CPT1B: variants seen among roughly 807,000 people sequenced by gnomAD.
The protein encoded by CPT1B is carnitine palmitoyltransferase 1B.
CPT1B carries 57 observed loss-of-function variants against 92.7 expected under a neutral mutation model. The ratio of observed to expected loss-of-function variants is 0.62; its 90% confidence interval spans 0.50 to 0.77. The LOEUF is 0.77. Ranked by LOEUF, CPT1B falls within the 30% of genes least tolerant of loss-of-function variation. The pLI, the probability that CPT1B is intolerant of heterozygous loss-of-function variation, is 0.00. For synonymous variants in CPT1B, 398 were observed against 383.5 expected, an observed-to-expected ratio of 1.04 and a Z score of -0.44; for missense variants, 983 against 1,017.4, an observed-to-expected ratio of 0.97 and a Z score of 0.46.
rs574907854 is a variant in CPT1B, at chr22:50,576,626, G to A, written c.471C>T (p.Arg157=). ...NLTRIWAMCI[R]LLSSRHPMLY... is the part of the protein sequence containing the mutation. ...GCATAGGGTGCCGGCTGGATAGAAGGCGGATACACATCTGGGGGTACAGAG... is the reference window on the plus strand; with the variant it reads ...GCATAGGGTGCCGGCTGGATAGAAGACGGATACACATCTGGGGGTACAGAG... The change falls in exon 5 of 20, where the codon CGC becomes CGT. Residue 157 remains arginine, a synonymous_variant. Transcript: ENST00000312108. The A allele has an allele frequency of 1.3e-5, 21 of 1,610,906 alleles. No homozygotes were observed. The South Asian group carries it at 2.2e-4, about 17-fold the overall frequency.
intron 16 of CPT1B, 92 bp downstream of exon 16, chr22:50,570,799 A>G: frequency 1.3e-6 from 2 of 1,517,106 alleles, no homozygotes; most frequent in Non-Finnish European, 1.8e-6. Flanking sequence ...GGAGCAAGCC[A>G]GGAAAACAGG....
intron 12 of CPT1B, 38 bp downstream of exon 12, chr22:50,572,165 A>G (rs761807968): frequency 7.5e-6 from 12 of 1,610,296 alleles, no homozygotes; most frequent in Non-Finnish European, 6.8e-6. Context: ...CTCATCCCCT[A>G]CAGCCTGCCC....
Position 50,577,261 on chromosome 22 carries a change from G to T in CPT1B, c.281+63C>A, listed in dbSNP as rs529744831. 2.0e-4 allele frequency: 321 copies of T among 1,597,870 alleles called. 2 individuals are homozygous for T. In the African/African-American group the frequency reaches 3.9e-3, roughly 19 times the overall value. ...GTATCTGCCCAGCTCAGGAACCTCA[G>T]CCTTGGGAGCTGGGCCCAGCCCTCC... On this transcript the variant is annotated intron_variant, in intron 3 of 19. Transcript: ENST00000312108.
chr22:50,569,289 C>G (rs1460551920), intron 19 of CPT1B, 47 bp downstream of exon 19: 1 of 1,592,814 alleles, frequency 6.3e-7, no homozygotes, highest in Non-Finnish European at 8.6e-7. Context: ...CCACAGGTCC[C>G]TTCCTCCACA....
chr22:50,578,180 A>G, intron 1 of CPT1B: 1 of 161,054 alleles, frequency 6.2e-6, no homozygotes, highest in Non-Finnish European at 1.3e-5. Flanking sequence ...AAGGACGGCG[A>G]AGGGCAGCCT....
intron 2 of CPT1B, 69 bp from the exon 3 acceptor site, chr22:50,577,532 G>T: frequency 1.3e-6 from 2 of 1,584,162 alleles, no homozygotes; most frequent in South Asian, 2.3e-5. Flanking sequence ...GAAGTCTTGG[G>T]AACTGGCTCC....
rs768627430 is a variant in CPT1B, at chr22:50,576,817, C to T, written c.459+40G>A. 5 of 1,611,880 alleles carry T rather than the reference C, an allele frequency of 3.1e-6. No homozygotes were observed. The African/African-American group carries it at 5.3e-5, about 17-fold the overall frequency. Reference sequence around the variant, plus strand: ...AACCCCAAAGGAGTCCAAAGAGTCTCAACCCAGGTGCCTGAACCCCTCCAC... The same window carrying T: ...AACCCCAAAGGAGTCCAAAGAGTCTTAACCCAGGTGCCTGAACCCCTCCAC... On this transcript the variant is annotated intron_variant, in intron 4 of 19. Transcript: ENST00000312108.
Position 50,577,921 on chromosome 22 carries a change from G to C in CPT1B, c.-6C>G. 6.2e-7 allele frequency: 1 copy of C among 1,606,272 alleles called. No individual in the cohort carries two copies. The highest frequency in any genetic ancestry group is 1.1e-5 in the South Asian group (1 of 91,008). On this transcript the variant is annotated 5_prime_UTR_variant, in exon 2 of 20. Coordinates refer to ENST00000312108, the MANE Select transcript of CPT1B (RefSeq NM_152246.3). Reference sequence around the variant, plus strand: ...GCCTGGTGAGCTTCCGCCATCCTGGGGGTTGGTCGGCACCTAGGACGGGGG... The same window carrying C: ...GCCTGGTGAGCTTCCGCCATCCTGGCGGTTGGTCGGCACCTAGGACGGGGG...
intron 3 of CPT1B, 70 bp from the exon 4 acceptor site, chr22:50,577,104 A>C: frequency 2.2e-5 from 34 of 1,546,540 alleles, no homozygotes; most frequent in African/African-American, 2.7e-5. Context: ...GAACTGTCTC[A>C]GGGGAGACAC....
At chr22:50,574,861 G>A (rs185976266) in intron 7 of CPT1B, 101 of 451,108 alleles carry the variant, frequency 2.2e-4, no homozygotes, top group East Asian at 2.2e-3. Flanking sequence ...GGAGTGCAGC[G>A]GAACAAGCAT....
At position 50,577,944 on chromosome 22, in the gene CPT1B, G is replaced by A. The variant is rs776248670; in HGVS notation, c.-19-10C>T. 14 of 1,593,424 alleles carry A rather than the reference G, an allele frequency of 8.8e-6. No individual in the cohort carries two copies. The highest frequency in any genetic ancestry group is 9.4e-6 in the Non-Finnish European group (11 of 1,166,806). Reference sequence around the variant, plus strand: ...GGGGGTTGGTCGGCACCTAGGACGGGGGCAGATGGGTGCGCGGGCGCGCTT... The same window carrying A: ...GGGGGTTGGTCGGCACCTAGGACGGAGGCAGATGGGTGCGCGGGCGCGCTT... On this transcript the variant is annotated splice_polypyrimidine_tract_variant and intron_variant, in intron 1 of 19. Transcript: ENST00000312108.
intron 7 of CPT1B, 173 bp from the exon 8 acceptor site, chr22:50,574,773 A>C: frequency 1.7e-6 from 1 of 602,678 alleles, no homozygotes; most frequent in Non-Finnish European, 3.0e-6. Flanking sequence ...GATCGCAGTA[A>C]CCCTCTGCTC....
intron 7 of CPT1B, among the ~76,000 whole-genome samples, chr22:50,575,340 C>T (rs941525199): frequency 6.6e-6 from 1 of 152,170 alleles, no homozygotes; most frequent in Admixed American, 6.5e-5. Flanking sequence ...ATTTTATGTG[C>T]TTATATTCTA....
rs534080939 is a variant in CPT1B at position 50,568,904 on chromosome 22, C to T, written c.*180G>A. The T allele has an allele frequency of 4.3e-4, 68 of 159,426 alleles. No individual in the cohort carries two copies. The highest frequency in any genetic ancestry group is 1.4e-3 in the African/African-American group (60 of 41,660). 9.9% of individuals were successfully genotyped at this position (159,426 alleles called of 1,614,324 possible). A position where few individuals can be genotyped will look rare whatever the true frequency, so the allele number is the denominator to read the frequency against. On this transcript the variant is annotated 3_prime_UTR_variant, in exon 20 of 20. Transcript: ENST00000312108. ...TATTTATTCCAAGCAAACACGTGGG[C>T]GTGGACAGCTATCTCAGAGCCTACG...
In CPT1B at chr22:50,573,521, T is replaced by C; in HGVS notation, c.1165A>G (p.Arg389Gly). 1 of 1,606,902 alleles carries C rather than the reference T, an allele frequency of 6.2e-7. No homozygotes were observed. The highest frequency in any genetic ancestry group is 8.5e-7 in the Non-Finnish European group (1 of 1,175,872). Residue 389 changes from arginine (R) to glycine (G), a missense_variant and splice_region_variant, in exon 10 of 20, where the codon AGG (arginine) becomes GGG (glycine). Transcript: ENST00000312108. The surrounding 1 kb of genome is among the most constrained non-coding windows in gnomAD (Gnocchi z 5.0). ...CAGTCCCTTCCTAGAGGCCAATACC[T>C]TCCTCCTGCAGTGAGGGCTGCCAGC... ...EKLAALTAGG[R>G]VEWAQARQAF...
At chr22:50,574,815 T>G in intron 7 of CPT1B, 1 of 540,134 alleles carries the variant, frequency 1.9e-6, no homozygotes, top group South Asian at 2.1e-5. Flanking sequence ...TATTCTTTAT[T>G]TTTTAGAGTT....
chr22:50,576,259 T>C lies in CPT1B; in HGVS notation c.638A>G (p.Asp213Gly), dbSNP rs772000582. The change falls in exon 6 of 20, where the codon GAC becomes GGC. Residue 213 changes from aspartate (D) to glycine (G), a missense_variant. Coordinates refer to ENST00000312108, the MANE Select transcript of CPT1B (RefSeq NM_152246.3). ...TTTCTGCAGCCTGGGGGCAGTCTTG[T>C]CCTGGAATTCTTTGGCCAGCAACTC... ...RMELLAKEFQDKTAPRLQKYL... is the reference protein window; with the variant it reads ...RMELLAKEFQGKTAPRLQKYL... The C allele has an allele frequency of 3.1e-6, 5 of 1,614,088 alleles. No individual in the cohort carries two copies. The highest frequency in any genetic ancestry group is 1.7e-5 in the Admixed American group (1 of 60,026).
At chr22:50,571,120 C>T (rs763642100) in intron 15 of CPT1B, 38 bp downstream of exon 15, 113 of 1,612,328 alleles carry the variant, frequency 7.0e-5, no homozygotes, top group Middle Eastern at 3.3e-4. Flanking sequence ...GCACCTCACC[C>T]GACGACTGTG....
At chr22:50,577,987 A>G in intron 1 of CPT1B, 53 bp from the exon 2 acceptor site, 1 of 1,381,488 alleles carries the variant, frequency 7.2e-7, no homozygotes, top group East Asian at 2.7e-5. Context: ...CCCCGCCGCC[A>G]GCCGCGCCGA....
Sources: gnomAD v4.1 joint callset for allele counts (sites outside exome capture counted in the v4.1 genomes callset) on GRCh38, gnomAD v4.1.1 for gene constraint, Gnocchi (gnomAD v3.1) non-coding constraint, MANE v1.5 for transcripts, NCBI Gene and HGNC (gene_info 2026-07-23, HGNC 2026-07-21) for gene names.